The following ABCC12 variants were observed in gnomAD, a reference collection of about 807,000 sequenced individuals.
ABCC12 encodes ATP binding cassette subfamily C member 12.
In ABCC12, 142 loss-of-function variants were observed where a neutral mutation model predicts 151.1. The ratio of observed to expected loss-of-function variants is 0.94; its 90% confidence interval spans 0.82 to 1.08. The LOEUF (loss-of-function observed/expected upper bound fraction) is 1.08, where lower values mean the gene tolerates loss of function less well. ABCC12 is among the 50% of genes least tolerant of loss of function. ABCC12 has a pLI of 0.00. For synonymous variants in ABCC12, 645 were observed against 646.4 expected, an observed-to-expected ratio of 1.00 and a Z score of 0.03; for missense variants, 1,638 against 1,691.1, an observed-to-expected ratio of 0.97 and a Z score of 0.55.
At chr16:48,152,396 C>T in intron 2 of ABCC12, among the ~76,000 whole-genome samples, 1 of 152,210 alleles carries the variant, frequency 6.6e-6, no homozygotes, top group East Asian at 1.9e-4. Flanking sequence ...GGTCTTTCTA[C>T]CACATGTCCA....
At position 48,111,805 on chromosome 16, in the gene ABCC12, T is replaced by C. The variant is rs751341472; in HGVS notation, c.2095A>G (p.Ile699Val). The C allele has an allele frequency of 1.9e-6, 3 of 1,614,174 alleles. No individual in the cohort carries two copies. The Admixed American group carries it at 5.0e-5, about 27-fold the overall frequency. Residue 699 changes from isoleucine (I) to valine (V), a missense_variant, in exon 16 of 31, where the codon ATT becomes GTT. Transcript: ENST00000311303. The part of the protein sequence containing the change: ...MEERGRYAKL[I>V]HNLRGLQFKD... ...AACTGCAATCCTCGCAGGTTGTGAA[T>C]CAGTTTTGCATAGCGCCCTCTCTCC...
rs1007857582 is a variant in ABCC12, at chr16:48,141,304, C to A, written c.325G>T (p.Ala109Ser). The A allele has an allele frequency of 1.9e-6, 3 of 1,614,222 alleles. No individual in the cohort carries two copies. Among genetic ancestry groups the A allele is most frequent in the African/African-American group, 2.7e-5 (2 of 75,048 alleles). The part of the protein sequence containing the change: ...EEVARVGPEK[A>S]SLSHVVWKFQ... Reference sequence around the variant, plus strand: ...TTCCACACCACGTGGCTCAGAGAGGCCTTCTCAGGACCCACCCTTGCTACC... The same window carrying A: ...TTCCACACCACGTGGCTCAGAGAGGACTTCTCAGGACCCACCCTTGCTACC... Residue 109 changes from alanine to serine, a missense_variant, in exon 5 of 31, where the codon GCC becomes TCC. Physicochemically the swap from Ala to Ser is moderately conservative, Grantham distance 99 (BLOSUM62 1). Coordinates refer to ENST00000311303, the MANE Select transcript of ABCC12 (RefSeq NM_001393797.1).
At chr16:48,085,746 T>C (rs1567442671) in intron 28 of ABCC12, 40 bp from the exon 29 acceptor site, 7 of 1,519,358 alleles carry the variant, frequency 4.6e-6, no homozygotes, top group East Asian at 4.5e-5. Context: ...GCTGATGATC[T>C]ATAAAATTGT....
At chr16:48,121,552 G>A in intron 13 of ABCC12, 164 bp downstream of exon 13, 1 of 945,266 alleles carries the variant, frequency 1.1e-6, no homozygotes, top group Non-Finnish European at 1.5e-6. Context: ...CTGAACGCTT[G>A]GCTCAGGAAG....
intron 12 of ABCC12, 150 bp from the exon 13 acceptor site, chr16:48,121,990 A>G (rs1048355518): frequency 8.5e-7 from 1 of 1,177,334 alleles, no homozygotes; most frequent in Non-Finnish European, 1.2e-6. Flanking sequence ...TGCACCAGAA[A>G]GCCCAACCAT....
rs189287108 is a variant in ABCC12, at chr16:48,099,328, T to C, written c.3038+1544A>G. Among the ~76,000 whole-genome samples, 32 of 152,108 alleles carry C rather than the reference T, an allele frequency of 2.1e-4. No homozygotes were observed. In the East Asian group the frequency reaches 5.6e-3, roughly 27 times the overall value. The stretch of plus-strand genomic sequence containing the variant: ...AAGAGAATCGCTTGAACCCAGGAGA[T>C]AGAAGTTGCAATGAGCCGAGATGAT... On this transcript the variant is annotated intron_variant, in intron 23 of 30. Transcript: ENST00000311303.
intron 29 of ABCC12, among the ~76,000 whole-genome samples, chr16:48,084,354 T>C (rs554376362): frequency 8.5e-5 from 13 of 152,312 alleles, no homozygotes; most frequent in Middle Eastern, 3.4e-3. Context: ...TACAAACTCA[T>C]AGGGAGACAG....
At chr16:48,097,331 G>A (rs1216813559) in intron 23 of ABCC12, among the ~76,000 whole-genome samples, 1 of 152,286 alleles carries the variant, frequency 6.6e-6, no homozygotes, top group African/African-American at 2.4e-5. Context: ...TAGAAAGGGT[G>A]GGGGTGGGTT....
intron 22 of ABCC12, among the ~76,000 whole-genome samples, chr16:48,103,851 G>A (rs1333638553): frequency 6.6e-6 from 1 of 152,234 alleles, no homozygotes; most frequent in East Asian, 1.9e-4. Context: ...GCTCAGAGCA[G>A]CAACGGTAGA....
chr16:48,104,006 TG>T, intron 22 of ABCC12, 135 bp downstream of exon 22: 1 of 899,164 alleles, frequency 1.1e-6, no homozygotes, highest in Non-Finnish European at 1.7e-6. Flanking sequence ...GCAAAGCACC[TG>T]GCATTTACTA....
intron 9 of ABCC12, among the ~76,000 whole-genome samples, chr16:48,131,933 G>A (rs1359910487): frequency 6.6e-6 from 1 of 152,208 alleles, no homozygotes; most frequent in Non-Finnish European, 1.5e-5. Context: ...CTGGCTGACA[G>A]AGCGCATGGG....
Position 48,141,266 on chromosome 16 carries a change from T to A in ABCC12, c.363A>T (p.Thr121=), listed in dbSNP as rs1329973309. 1 of 1,614,112 alleles carries A rather than the reference T, an allele frequency of 6.2e-7. No homozygotes were observed. Among genetic ancestry groups the A allele is most frequent in the African/African-American group, 1.3e-5 (1 of 74,950 alleles). The change falls in exon 5 of 31, where the codon ACA becomes ACT. Residue 121 remains threonine (T), a synonymous_variant. Transcript: ENST00000311303. ...LSHVVWKFQR[T]RVLMDIVANI... ...TGGCCACGATGTCCATCAACACGCG[T>A]GTCCTCTGGAATTTCCACACCACGT...
rs1474552715 is a variant in ABCC12 at position 48,081,199 on chromosome 16, C to A, written c.*2516G>T. On this transcript the variant is annotated 3_prime_UTR_variant, in exon 31 of 31. Transcript: ENST00000311303. ...CACAATGTTCAGATCATAGCAGACA[C>A]CTACCCCACAGGGATATGTTCAGGA... 6.6e-6 allele frequency among the ~76,000 whole-genome samples: 1 copy of A among 152,192 alleles called. No homozygotes were observed. Among genetic ancestry groups the A allele is most frequent in the Admixed American group, 6.5e-5 (1 of 15,280 alleles).
Position 48,105,267 on chromosome 16 carries a change from G to A in ABCC12, c.2545C>T (p.His849Tyr). 1 of 1,614,058 alleles carries A rather than the reference G, an allele frequency of 6.2e-7. No individual in the cohort carries two copies. Among genetic ancestry groups the A allele is most frequent in the Non-Finnish European group, 8.5e-7 (1 of 1,180,040 alleles). ...GCAGTGTACACCCACTGGTACACAT[G>A]CTGACCGATGTCTGCCAGCACCGCG... The part of the protein sequence containing the change: ...VGAVLADIGQ[H>Y]VYQWVYTASM... Residue 849 changes from histidine (H) to tyrosine (Y), a missense_variant, in exon 21 of 31, where the codon CAT (histidine) becomes TAT (tyrosine). His to Tyr is a moderately conservative substitution (Grantham distance 83). Transcript: ENST00000311303.
At chr16:48,108,649 C>T in intron 18 of ABCC12, 120 bp from the exon 19 acceptor site, 1 of 703,474 alleles carries the variant, frequency 1.4e-6, no homozygotes, top group South Asian at 1.8e-5. Flanking sequence ...CATCCTTCCA[C>T]TCGTCCCATG....
At chr16:48,111,953 G>A (rs767222343) in intron 15 of ABCC12, 43 bp from the exon 16 acceptor site, 3 of 1,596,290 alleles carry the variant, frequency 1.9e-6, no homozygotes, top group East Asian at 4.5e-5. Context: ...GCCTGGAAAG[G>A]AGAGCCCATG....
intron 26 of ABCC12, 49 bp from the exon 27 acceptor site, chr16:48,088,134 T>C (rs1335363190): frequency 1.3e-6 from 2 of 1,579,198 alleles, no homozygotes; most frequent in Non-Finnish European, 1.7e-6. Flanking sequence ...AGTTTGTGCT[T>C]CCATCATATC....
chr16:48,149,264 G>T (rs76912031), intron 2 of ABCC12, among the ~76,000 whole-genome samples: 1 of 119,400 alleles, frequency 8.4e-6, no homozygotes, highest in Non-Finnish European at 1.7e-5. Context: ...AAAAAAAAAA[G>T]GTAGGCAAGG....
At chr16:48,140,209 TTTTG>T (rs562557505) in intron 6 of ABCC12, among the ~76,000 whole-genome samples, 16 of 152,170 alleles carry the variant, frequency 1.1e-4, no homozygotes, top group Admixed American at 2.0e-4. Context: ...TGTGTGTGTG[TTTTG>T]TTTGTTTGTT....
Sources: gnomAD v4.1 joint callset for allele counts (sites outside exome capture counted in the v4.1 genomes callset) on GRCh38, gnomAD v4.1.1 for gene constraint, MANE v1.5 for transcripts, NCBI Gene and HGNC (gene_info 2026-07-23, HGNC 2026-07-21) for gene names.